The following ROBO1 variants were observed in gnomAD, a reference collection of about 807,000 sequenced individuals.
ROBO1 encodes the protein roundabout guidance receptor 1.
Under a neutral mutation model 195.9 loss-of-function variants are expected in ROBO1, and 149 were observed. The ratio of observed to expected loss-of-function variants is 0.76; its 90% confidence interval spans 0.67 to 0.87. The LOEUF is 0.87. Among genes scored for constraint, ROBO1 ranks in the 40% least tolerant of loss-of-function variants. The pLI is 0.00. For missense variants in ROBO1, 1,933 were observed against 2,068.3 expected, an observed-to-expected ratio of 0.93 and a Z score of 1.27; for synonymous variants, 816 against 733.2, an observed-to-expected ratio of 1.11 and a Z score of -1.82.
At chr3:78,768,162 T>A (rs2083276079) in intron 4 of ROBO1, among the ~76,000 whole-genome samples, 1 of 152,114 alleles carries the variant, frequency 6.6e-6, no homozygotes, top group Admixed American at 6.5e-5. Context: ...AAAATTTCCA[T>A]CTTGATTTCG....
intron 2 of ROBO1, among the ~76,000 whole-genome samples, chr3:79,527,259 A>C (rs1191553731): frequency 6.6e-6 from 1 of 152,156 alleles, no homozygotes; most frequent in Non-Finnish European, 1.5e-5. Flanking sequence ...AATTTTGGAA[A>C]GTCTACACTA....
intron 8 of ROBO1, among the ~76,000 whole-genome samples, chr3:78,689,310 A>G (rs750802649): frequency 2.6e-5 from 4 of 152,226 alleles, no homozygotes; most frequent in Non-Finnish European, 4.4e-5. Flanking sequence ...AGGCAAGGAC[A>G]TGTTCAAACA....
chr3:78,820,050 A>G (rs944401106), intron 4 of ROBO1, among the ~76,000 whole-genome samples: 1 of 152,178 alleles, frequency 6.6e-6, no homozygotes, highest in Non-Finnish European at 1.5e-5. Context: ...AAAGAGTACA[A>G]TCGAAAAAGG....
At chr3:79,277,849 G>C (rs150927315) in intron 2 of ROBO1, among the ~76,000 whole-genome samples, 195 of 151,220 alleles carry the variant, frequency 1.3e-3, no homozygotes, top group African/African-American at 4.5e-3. Context: ...GGAAACTATA[G>C]AGGGCATCCA....
chr3:78,962,079 T>C (rs189266846), intron 3 of ROBO1, among the ~76,000 whole-genome samples: 2 of 152,234 alleles, frequency 1.3e-5, no homozygotes, highest in African/African-American at 4.8e-5. Context: ...AAAGGAAAAC[T>C]AATCACTAGA....
intron 3 of ROBO1, among the ~76,000 whole-genome samples, chr3:79,116,979 G>T (rs577596484): frequency 6.6e-6 from 1 of 152,266 alleles, no homozygotes; most frequent in Non-Finnish European, 1.5e-5. Flanking sequence ...ATGCAGAAGT[G>T]GTGAATACAA....
intron 4 of ROBO1, among the ~76,000 whole-genome samples, chr3:78,776,529 C>T (rs1576143133): frequency 1.3e-5 from 2 of 152,198 alleles, no homozygotes; most frequent in African/African-American, 4.8e-5. Flanking sequence ...GGATCAGAGG[C>T]GTGAGCCACC....
intron 8 of ROBO1, among the ~76,000 whole-genome samples, chr3:78,697,112 TG>T (rs2081317578): frequency 6.6e-6 from 1 of 152,006 alleles, no homozygotes; most frequent in Non-Finnish European, 1.5e-5. Flanking sequence ...TCTTCCTTTT[TG>T]AATGTGATAT....
At chr3:79,160,166 A>C (rs2080930282) in intron 2 of ROBO1, among the ~76,000 whole-genome samples, 1 of 152,010 alleles carries the variant, frequency 6.6e-6, no homozygotes, top group Non-Finnish European at 1.5e-5. Flanking sequence ...ATTGTAAATT[A>C]TACCATAATA....
intron 4 of ROBO1, among the ~76,000 whole-genome samples, chr3:78,779,256 A>G (rs1253038925): frequency 1.3e-5 from 2 of 152,252 alleles, no homozygotes; most frequent in East Asian, 1.9e-4. Context: ...ATTGACAAAT[A>G]GGATCTAATT....
chr3:79,395,186 G>A (rs1203375786), intron 2 of ROBO1, among the ~76,000 whole-genome samples: 1 of 151,816 alleles, frequency 6.6e-6, no homozygotes, highest in Non-Finnish European at 1.5e-5. Flanking sequence ...CTCCGGGCGT[G>A]GTGGCGGCAC....
intron 5 of ROBO1, among the ~76,000 whole-genome samples, chr3:78,738,291 A>G (rs1559802314): frequency 6.6e-6 from 1 of 152,116 alleles, no homozygotes; most frequent in Non-Finnish European, 1.5e-5. Context: ...CTACAAAGAC[A>G]CACAGGAAGC....
At chr3:79,174,867 A>G (rs1054059804) in intron 2 of ROBO1, among the ~76,000 whole-genome samples, 3 of 152,110 alleles carry the variant, frequency 2.0e-5, no homozygotes, top group East Asian at 1.9e-4. Context: ...AAAAAAAAAA[A>G]AAAGAAACCT....
chr3:78,647,697 A>G (rs1575837142), intron 19 of ROBO1, 42 bp from the exon 20 acceptor site: 1 of 1,528,988 alleles, frequency 6.5e-7, no homozygotes, highest in Non-Finnish European at 9.1e-7. Flanking sequence ...ATTAAGCTGA[A>G]GAGAGAAAGG....
chr3:79,284,927 GA>G (rs796983306), intron 2 of ROBO1, among the ~76,000 whole-genome samples: 16 of 147,312 alleles, frequency 1.1e-4, no homozygotes, highest in South Asian at 4.3e-4. Flanking sequence ...AAATAGCCTG[GA>G]AAAAAAAAAG....
intron 4 of ROBO1, among the ~76,000 whole-genome samples, chr3:78,860,326 A>ATATATATATATTTTT (rs376853384): frequency 2.1e-4 from 20 of 93,516 alleles, no homozygotes; most frequent in African/African-American, 6.8e-4. Flanking sequence ...ATATATATAT[A>ATATATATATATTTTT]TTTTTTTTTT....
intron 3 of ROBO1, among the ~76,000 whole-genome samples, chr3:79,123,069 C>T (rs1225318931): frequency 6.6e-6 from 1 of 152,026 alleles, no homozygotes; most frequent in African/African-American, 2.4e-5. Flanking sequence ...ATATCAATGA[C>T]TTACGTGAAA....
chr3:79,305,183 C>T (rs943177899), intron 2 of ROBO1, among the ~76,000 whole-genome samples: 2 of 152,108 alleles, frequency 1.3e-5, no homozygotes, highest in Non-Finnish European at 2.9e-5. Flanking sequence ...AATCCTTCCT[C>T]TATGTTTAAA....
intron 2 of ROBO1, among the ~76,000 whole-genome samples, chr3:79,523,194 CAA>C (rs1941283745): frequency 1.4e-5 from 2 of 143,590 alleles, no homozygotes; most frequent in Non-Finnish European, 3.0e-5. Context: ...CACACACACA[CAA>C]ATTAGTACAT....
Sources: allele counts gnomAD v4.1 joint callset (sites outside exome capture counted in the v4.1 genomes callset), GRCh38; gene constraint gnomAD v4.1.1; transcripts MANE v1.5; gene names NCBI Gene and HGNC (gene_info 2026-07-23, HGNC 2026-07-21).